STYX: variants seen among roughly 807,000 people sequenced by gnomAD.
STYX encodes serine/threonine/tyrosine-interacting protein.
STYX carries 20 observed loss-of-function variants against 42.7 expected under a neutral mutation model. The observed-to-expected ratio is 0.47, with a 90% CI of 0.33 to 0.68. The LOEUF is 0.68. Among genes scored for constraint, STYX ranks in the 30% least tolerant of loss-of-function variants. STYX has a pLI of 0.02. For synonymous variants in STYX, 78 were observed against 81.9 expected, an observed-to-expected ratio of 0.95 and a Z score of 0.26; for missense variants, 226 against 268.5, an observed-to-expected ratio of 0.84 and a Z score of 1.11.
chr14:52,748,117 C>A (rs1881464699), intron 3 of STYX, among the ~76,000 whole-genome samples: 1 of 152,160 alleles, frequency 6.6e-6, no homozygotes, highest in African/African-American at 2.4e-5. Flanking sequence ...CCTAGGTAAC[C>A]ATAATATAGC....
chr14:52,752,873 G>T (rs865930424), intron 4 of STYX, among the ~76,000 whole-genome samples: 1,340 of 130,184 alleles, frequency 0.01, 16 homozygotes, highest in African/African-American at 0.034. Flanking sequence ...GTTTTTTTTT[G>T]TTGTTGTTGT....
At chr14:52,730,908 A>G (rs1340282370) in intron 1 of STYX, among the ~76,000 whole-genome samples, 5 of 152,202 alleles carry the variant, frequency 3.3e-5, no homozygotes, top group Admixed American at 3.3e-4. Flanking sequence ...TGTGGGACAC[A>G]TGGCCCCACA....
chr14:52,738,587 C>T (rs573942179), intron 1 of STYX, among the ~76,000 whole-genome samples: 2 of 152,302 alleles, frequency 1.3e-5, no homozygotes, highest in South Asian at 4.1e-4. Flanking sequence ...CTTTGAGTGT[C>T]TTTTGGCATA....
At chr14:52,744,774 T>C in intron 1 of STYX, 78 bp from the exon 2 acceptor site, 3 of 1,327,648 alleles carry the variant, frequency 2.3e-6, no homozygotes, top group Non-Finnish European at 2.2e-6. Flanking sequence ...TCTACATACT[T>C]GTGTGTCACA....
intron 9 of STYX, among the ~76,000 whole-genome samples, chr14:52,765,055 T>C (rs571548592): frequency 4.6e-5 from 7 of 152,340 alleles, no homozygotes; most frequent in African/African-American, 1.7e-4. Context: ...TTAAGAATAG[T>C]TCATGGAAAC....
intron 2 of STYX, 64 bp downstream of exon 2, chr14:52,744,948 A>G (rs2139893952): frequency 4.0e-6 from 6 of 1,505,042 alleles, no homozygotes; most frequent in East Asian, 2.3e-5. Flanking sequence ...ACCTTAGTTT[A>G]TAGGATTTGA....
intron 4 of STYX, among the ~76,000 whole-genome samples, chr14:52,750,994 G>T (rs1228443118): frequency 6.6e-6 from 1 of 151,778 alleles, no homozygotes; most frequent in Non-Finnish European, 1.5e-5. Context: ...AGAAGTTTCT[G>T]GGAAAGTAAA....
At chr14:52,735,624 G>C (rs998084063) in intron 1 of STYX, among the ~76,000 whole-genome samples, 27 of 152,230 alleles carry the variant, frequency 1.8e-4, no homozygotes, top group African/African-American at 6.0e-4. Flanking sequence ...ATAATGTAAA[G>C]TGTCAAATGG....
At chr14:52,747,451 C>T (rs1341688071) in intron 3 of STYX, among the ~76,000 whole-genome samples, 2 of 152,038 alleles carry the variant, frequency 1.3e-5, no homozygotes, top group African/African-American at 4.8e-5. Context: ...TGAGACATGG[C>T]TAAGAGTAAA....
intron 1 of STYX, among the ~76,000 whole-genome samples, chr14:52,734,086 A>C (rs540900860): frequency 5.3e-4 from 81 of 152,322 alleles, no homozygotes; most frequent in Non-Finnish European, 1.0e-3. Context: ...CAGTGGCTAG[A>C]GTGAAGTTAC....
Position 52,757,756 on chromosome 14 carries a change from G to A in STYX, c.354G>A (p.Val118=). 1 of 1,613,410 alleles carries A rather than the reference G, an allele frequency of 6.2e-7. No individual in the cohort carries two copies. Among genetic ancestry groups the A allele is most frequent in the Non-Finnish European group, 8.5e-7 (1 of 1,179,712 alleles). The change falls in exon 7 of 11, where the codon GTG becomes GTA. Residue 118 remains valine (V), a synonymous_variant. Transcript: ENST00000354586. ...GSLQMGGKVL[V]HGNAGISRSA... is the part of the protein sequence containing the mutation. Reference sequence around the variant, plus strand: ...CATGTTTTTCAGGAAAAGTTCTTGTGCATGGAAATGCAGGGATCTCCAGAA... The same window carrying A: ...CATGTTTTTCAGGAAAAGTTCTTGTACATGGAAATGCAGGGATCTCCAGAA...
At chr14:52,751,969 C>A (rs1881630506) in intron 4 of STYX, among the ~76,000 whole-genome samples, 1 of 152,216 alleles carries the variant, frequency 6.6e-6, no homozygotes, top group African/African-American at 2.4e-5. Context: ...TCGAGACCAG[C>A]CTGGCCAACA....
intron 4 of STYX, among the ~76,000 whole-genome samples, chr14:52,752,581 A>C (rs1164702847): frequency 6.6e-6 from 1 of 152,232 alleles, no homozygotes; most frequent in Non-Finnish European, 1.5e-5. Flanking sequence ...ATAATAGAAT[A>C]CTATGTAACC....
At chr14:52,742,003 G>A (rs1283003471) in intron 1 of STYX, among the ~76,000 whole-genome samples, 1 of 152,136 alleles carries the variant, frequency 6.6e-6, no homozygotes, top group Non-Finnish European at 1.5e-5. Flanking sequence ...TCTGATCTAG[G>A]TTTAAGGTGT....
chr14:52,739,528 G>A (rs912302585), intron 1 of STYX, among the ~76,000 whole-genome samples: 5 of 150,682 alleles, frequency 3.3e-5, no homozygotes, highest in Non-Finnish European at 7.4e-5. Context: ...CATCTATTTT[G>A]TGCTTATTCT....
At chr14:52,761,480 A>G (rs1348551080) in intron 9 of STYX, among the ~76,000 whole-genome samples, 4 of 151,960 alleles carry the variant, frequency 2.6e-5, no homozygotes, top group African/African-American at 9.7e-5. Flanking sequence ...TGAAGTAATA[A>G]TAAACTTATA....
At chr14:52,761,971 G>A (rs1426131133) in intron 9 of STYX, among the ~76,000 whole-genome samples, 3 of 151,942 alleles carry the variant, frequency 2.0e-5, no homozygotes, top group South Asian at 2.1e-4. Context: ...CTTGAACTCG[G>A]GAGGCGGAGG....
intron 1 of STYX, among the ~76,000 whole-genome samples, chr14:52,731,099 G>C (rs954635898): frequency 2.0e-5 from 3 of 152,182 alleles, no homozygotes; most frequent in African/African-American, 7.2e-5. Flanking sequence ...AATATTGAAA[G>C]TAAAATACTA....
intron 3 of STYX, among the ~76,000 whole-genome samples, chr14:52,750,048 C>T (rs549958951): frequency 3.5e-4 from 53 of 152,294 alleles, no homozygotes; most frequent in African/African-American, 1.2e-3. Context: ...ATCTGAAACA[C>T]TTCTGGTCCT....
Sources: allele counts gnomAD v4.1 joint callset (sites outside exome capture counted in the v4.1 genomes callset), GRCh38; gene constraint gnomAD v4.1.1; transcripts MANE v1.5; gene names NCBI Gene and HGNC (gene_info 2026-07-23, HGNC 2026-07-21).